MSRA: variants seen among roughly 807,000 people sequenced by gnomAD.
MSRA encodes the protein mitochondrial peptide methionine sulfoxide reductase.
In MSRA, 54 loss-of-function variants were observed where a neutral mutation model predicts 31.3. That is an observed-to-expected ratio of 1.73 (90% CI 1.39 to 2.17). The LOEUF (loss-of-function observed/expected upper bound fraction) is 2.17, where lower values mean the gene tolerates loss of function less well. MSRA is among the 30% of genes most tolerant of loss of function. The pLI, the probability that MSRA is intolerant of heterozygous loss-of-function variation, is 0.00. For synonymous variants in MSRA, 169 were observed against 116.5 expected (o/e 1.45, Z -2.90); for missense variants, 507 against 300.9 (o/e 1.69, Z -5.07).
intron 1 of MSRA, among the ~76,000 whole-genome samples, chr8:10,202,480 C>G (rs1014933452): frequency 6.6e-6 from 1 of 152,214 alleles, no homozygotes; most frequent in Admixed American, 6.5e-5. Flanking sequence ...CCTGTGCCAT[C>G]TTTGTTTTAT....
Position 10,318,971 on chromosome 8 carries a change from C to T in MSRA, c.437-912C>T, listed in dbSNP as rs75935958. Reference sequence around the variant, plus strand: ...ACCTTTGTTCTACCTTCACCCTTGGCGCCCACCTGCTGCCAAGACAAGTCA... The same window carrying T: ...ACCTTTGTTCTACCTTCACCCTTGGTGCCCACCTGCTGCCAAGACAAGTCA... On this transcript the variant is annotated intron_variant, in intron 4 of 5. Transcript: ENST00000317173. Among the ~76,000 whole-genome samples, 6 of 152,314 alleles carry T rather than the reference C, an allele frequency of 3.9e-5. No individual in the cohort carries two copies. In the East Asian group the frequency reaches 5.8e-4, roughly 15 times the overall value.
At chr8:10,402,334 G>A (rs932236666) in intron 5 of MSRA, among the ~76,000 whole-genome samples, 1 of 152,232 alleles carries the variant, frequency 6.6e-6, no homozygotes, top group Non-Finnish European at 1.5e-5. Flanking sequence ...CTGGGCAGGG[G>A]ACAGAGAACC....
At position 10,184,515 on chromosome 8, in the gene MSRA, T is replaced by G. The variant is rs939935572; in HGVS notation, c.143-23318T>G. Among the ~76,000 whole-genome samples the G allele has an allele frequency of 4.6e-5, 7 of 152,014 alleles. No homozygotes were observed. In the South Asian group the frequency reaches 1.5e-3, roughly 32 times the overall value. On this transcript the variant is annotated intron_variant, in intron 1 of 5. Transcript: ENST00000317173. ...TCCAGACTGGGATTAAATGGCTTGA[T>G]TTACATTGGATTCTAGGGTTATTAT...
intron 3 of MSRA, among the ~76,000 whole-genome samples, chr8:10,283,158 A>ACTCTCTCTCTCTCTCTCT (rs1326482845): frequency 1.1e-4 from 9 of 82,672 alleles, no homozygotes; most frequent in East Asian, 3.3e-4. Context: ...ACACACACAC[A>ACTCTCTCTCTCTCTCTCT]CACTCTCACC....
chr8:10,167,985 G>C (rs1351738300), intron 1 of MSRA, among the ~76,000 whole-genome samples: 3 of 152,128 alleles, frequency 2.0e-5, no homozygotes, highest in Non-Finnish European at 2.9e-5. Flanking sequence ...ACTTGGGCAT[G>C]GCACTTCTTG....
At chr8:10,210,720 T>C (rs1809400543) in intron 2 of MSRA, among the ~76,000 whole-genome samples, 1 of 151,508 alleles carries the variant, frequency 6.6e-6, no homozygotes, top group Non-Finnish European at 1.5e-5. Flanking sequence ...TAAAATAGTA[T>C]CACTAATTAT....
chr8:10,065,495 G>A (rs1231530694), intron 1 of MSRA, among the ~76,000 whole-genome samples: 1 of 152,240 alleles, frequency 6.6e-6, no homozygotes. Flanking sequence ...TGGATGAGTA[G>A]GGTTATGCAG....
At chr8:10,209,679 G>A (rs1177560792) in intron 2 of MSRA, among the ~76,000 whole-genome samples, 4 of 152,174 alleles carry the variant, frequency 2.6e-5, no homozygotes, top group Admixed American at 6.5e-5. Flanking sequence ...TCCGCTTTTC[G>A]ATGAGGAGGC....
At position 10,329,957 on chromosome 8, in the gene MSRA, A is replaced by G. The variant is rs1195353266; in HGVS notation, c.543+9968A>G. 2.0e-5 allele frequency among the ~76,000 whole-genome samples: 3 copies of G among 152,064 alleles called. No individual in the cohort carries two copies. In the East Asian group the frequency reaches 5.8e-4, roughly 30 times the overall value. On this transcript the variant is annotated intron_variant, in intron 5 of 5. Coordinates refer to ENST00000317173, the MANE Select transcript of MSRA (RefSeq NM_012331.5). Reference sequence around the variant, plus strand: ...AAAGTGGCATACCAAAAATAACAGTAGAAAAAAATAAATCCTAAGAGCTAG... The same window carrying G: ...AAAGTGGCATACCAAAAATAACAGTGGAAAAAAATAAATCCTAAGAGCTAG...
At chr8:10,112,467 G>A (rs1187932722) in intron 1 of MSRA, among the ~76,000 whole-genome samples, 1 of 152,176 alleles carries the variant, frequency 6.6e-6, no homozygotes, top group Non-Finnish European at 1.5e-5. Context: ...CACAGTCACA[G>A]TTCTTCAACC....
chr8:10,163,090 A>G (rs185024136), intron 1 of MSRA, among the ~76,000 whole-genome samples: 1 of 152,130 alleles, frequency 6.6e-6, no homozygotes, highest in Non-Finnish European at 1.5e-5. Flanking sequence ...ACCTCTTTGC[A>G]CCATGGGAGG....
chr8:10,299,516 T>C lies in MSRA; in HGVS notation c.332-2018T>C, dbSNP rs377213561. Among the ~76,000 whole-genome samples, 45 of 152,266 alleles carry C rather than the reference T, an allele frequency of 3.0e-4. 1 individual carries two copies. The East Asian group carries it at 8.7e-3, about 29-fold the overall frequency. ...CTGTTTAGATGCTAACTTGAATGAC[T>C]ATAGTATTTGAATTAAAATTATATG... On this transcript the variant is annotated intron_variant, in intron 3 of 5. Transcript: ENST00000317173.
intron 1 of MSRA, among the ~76,000 whole-genome samples, chr8:10,107,939 A>T (rs531049326): frequency 6.6e-6 from 1 of 152,216 alleles, no homozygotes; most frequent in Non-Finnish European, 1.5e-5. Context: ...GTGTTTAATG[A>T]CCTTTGCTGT....
At chr8:10,342,818 T>C (rs1408572116) in intron 5 of MSRA, among the ~76,000 whole-genome samples, 3 of 152,210 alleles carry the variant, frequency 2.0e-5, no homozygotes, top group Admixed American at 1.3e-4. Flanking sequence ...TTGAGTGACT[T>C]AGGGACCAGG....
intron 2 of MSRA, among the ~76,000 whole-genome samples, chr8:10,224,049 A>C (rs997205983): frequency 3.3e-5 from 5 of 152,156 alleles, no homozygotes; most frequent in African/African-American, 9.7e-5. Flanking sequence ...TCATTTGTTC[A>C]ATGGAGATAG....
In MSRA at chr8:10,329,710, T is replaced by C. The variant is rs1802579805; in HGVS notation, c.543+9721T>C. Among the ~76,000 whole-genome samples the C allele has an allele frequency of 2.0e-5, 3 of 151,842 alleles. No homozygotes were observed. The South Asian group carries it at 6.3e-4, about 32-fold the overall frequency. On this transcript the variant is annotated intron_variant, in intron 5 of 5. Coordinates refer to ENST00000317173, the MANE Select transcript of MSRA (RefSeq NM_012331.5). ...TGAAATTGGGGGCTCTTCCTCGGGC[T>C]GCTTAGGAGAGGTGGGCGTTGTTCA...
At chr8:10,210,554 G>A (rs137954322) in intron 2 of MSRA, among the ~76,000 whole-genome samples, 9 of 152,100 alleles carry the variant, frequency 5.9e-5, no homozygotes, top group South Asian at 2.1e-4. Context: ...GATCTCCTAC[G>A]GCTATCATGC....
intron 3 of MSRA, among the ~76,000 whole-genome samples, chr8:10,299,731 A>G (rs28399330): frequency 0.038 from 5,775 of 152,270 alleles, 269 homozygotes; most frequent in African/African-American, 0.11. Context: ...CTAAGGATTA[A>G]AAATGTTGTA....
intron 1 of MSRA, among the ~76,000 whole-genome samples, chr8:10,069,259 T>G (rs547587884): frequency 6.6e-6 from 1 of 152,368 alleles, no homozygotes; most frequent in Admixed American, 6.5e-5. Context: ...TTTCTTTTTC[T>G]TGTCTTACCA....
Sources: allele counts gnomAD v4.1 joint callset (sites outside exome capture counted in the v4.1 genomes callset), GRCh38; gene constraint gnomAD v4.1.1; transcripts MANE v1.5; gene names NCBI Gene and HGNC (gene_info 2026-07-23, HGNC 2026-07-21).